The following YWHAZ variants were observed in gnomAD, a reference collection of about 807,000 sequenced individuals.
The protein encoded by YWHAZ is 14-3-3 protein zeta/delta.
For synonymous variants in YWHAZ, 87 were observed against 103.6 expected (o/e 0.84, Z 0.97); for missense variants, 79 against 284.8 (o/e 0.28, Z 5.20).
In YWHAZ at chr8:100,919,040, T is replaced by G. The variant is rs955310373; in HGVS notation, c.*1653A>C. 1 of 152,128 alleles carries G rather than the reference T, an allele frequency of 6.6e-6. No individual in the cohort carries two copies. Among genetic ancestry groups the G allele is most frequent in the Non-Finnish European group, 1.5e-5 (1 of 68,016 alleles). 9.4% of individuals were successfully genotyped at this position (152,128 alleles called of 1,614,324 possible). ...GGGAGATAAACACAGTCTCATCAAC[T>G]AAGGAGAGATTTGCTGCAGTAAATA... On this transcript the variant is annotated 3_prime_UTR_variant, in exon 6 of 6. Coordinates refer to ENST00000395958, the MANE Select transcript of YWHAZ (RefSeq NM_145690.3).
Position 100,922,526 on chromosome 8 carries a change from C to A in YWHAZ, c.678+1429G>T, listed in dbSNP as rs913185888. 10 of 152,246 alleles carry A rather than the reference C, an allele frequency of 6.6e-5. No individual in the cohort carries two copies. The highest frequency in any genetic ancestry group is 2.4e-4 in the African/African-American group (10 of 41,422). The allele number at this position is 152,246 out of a possible 1,614,324, so 9.4% of individuals were successfully genotyped here. On this transcript the variant is annotated intron_variant, in intron 5 of 5. Coordinates refer to ENST00000395958, the MANE Select transcript of YWHAZ (RefSeq NM_145690.3). This position sits in a 1 kb window ranked among gnomAD's most constrained non-coding sequence, Gnocchi z 4.1. Reference sequence around the variant, plus strand: ...TCAGCCTCCCGAGTAGCTGGGATTACAGGTGCCCACCACTATGCCCAGCTA... The same window carrying A: ...TCAGCCTCCCGAGTAGCTGGGATTAAAGGTGCCCACCACTATGCCCAGCTA...
intron 2 of YWHAZ, among the ~76,000 whole-genome samples, chr8:100,946,945 A>AT (rs1396881651): frequency 2.0e-5 from 3 of 151,760 alleles, no homozygotes; most frequent in Non-Finnish European, 4.4e-5. Context: ...AGAAAAAAAA[A>AT]ATCACATTTT....
chr8:100,926,126 T>TC (rs1164446390), intron 2 of YWHAZ, among the ~76,000 whole-genome samples: 1 of 151,982 alleles, frequency 6.6e-6, no homozygotes, highest in Non-Finnish European at 1.5e-5. Context: ...AAATGGTAAC[T>TC]CCAACTTTTT....
At position 100,946,865 on chromosome 8, in the gene YWHAZ, A is replaced by G. The variant is rs79613460; in HGVS notation, c.294+1731T>C. Among the ~76,000 whole-genome samples the G allele has an allele frequency of 4.9e-3, 732 of 150,818 alleles. 6 individuals are homozygous for G. Among genetic ancestry groups the G allele is most frequent in the African/African-American group, 0.017 (688 of 40,872 alleles). ...ACAAAACTGAATTACACATACACAG[A>G]TATTAGTTAGTAAGGTGAGCAAAAA... is the stretch of plus-strand genomic sequence containing the variant. On this transcript the variant is annotated intron_variant, in intron 2 of 5. Transcript: ENST00000395958.
chr8:100,937,139 G>A (rs760749242), intron 2 of YWHAZ, among the ~76,000 whole-genome samples: 7 of 152,086 alleles, frequency 4.6e-5, no homozygotes, highest in African/African-American at 1.4e-4. Context: ...GGACAATCTG[G>A]CAAAATATAT....
upstream of YWHAZ, chr8:100,952,849 C>T (rs1309417890): frequency 1.0e-6 from 1 of 1,000,406 alleles, no homozygotes; most frequent in Non-Finnish European, 1.2e-6. Flanking sequence ...CGCGGCTTTA[C>T]CTGCTGGCTC....
intron 2 of YWHAZ, among the ~76,000 whole-genome samples, chr8:100,926,251 G>T (rs957159580): frequency 6.6e-6 from 1 of 150,558 alleles, no homozygotes; most frequent in East Asian, 1.9e-4. Context: ...CAGATGAAGT[G>T]GCAGTAGGGC....
intron 2 of YWHAZ, among the ~76,000 whole-genome samples, chr8:100,926,540 GC>G (rs1813376375): frequency 6.6e-6 from 1 of 152,160 alleles, no homozygotes; most frequent in Admixed American, 6.5e-5. Context: ...AACTGCTTGA[GC>G]CCGAGAGATA....
intron 1 of YWHAZ, chr8:100,950,661 G>GT: frequency 1.1e-5 from 10 of 915,000 alleles, no homozygotes; most frequent in Non-Finnish European, 1.3e-5. Flanking sequence ...AAGCCGTGGG[G>GT]GGGGGGGAGA....
At chr8:100,951,060 C>A in intron 1 of YWHAZ, 6 of 405,004 alleles carry the variant, frequency 1.5e-5, no homozygotes, top group Non-Finnish European at 2.0e-5. Context: ...CCCGCCCGTT[C>A]ACAAGGAGCA....
At chr8:100,951,894 A>G in intron 1 of YWHAZ, 35 bp downstream of exon 1, 1 of 992,264 alleles carries the variant, frequency 1.0e-6, no homozygotes, top group Non-Finnish European at 1.2e-6. Context: ...GGCCTGGGAC[A>G]GGAAGCGAGG....
intron 2 of YWHAZ, among the ~76,000 whole-genome samples, chr8:100,937,240 T>C (rs901170753): frequency 2.0e-5 from 3 of 152,204 alleles, no homozygotes; most frequent in Admixed American, 1.3e-4. Flanking sequence ...TCCCTTTTAA[T>C]TGTCTTTATT....
intron 2 of YWHAZ, among the ~76,000 whole-genome samples, chr8:100,942,713 A>G (rs929385716): frequency 3.3e-5 from 5 of 152,224 alleles, no homozygotes; most frequent in African/African-American, 1.2e-4. Context: ...GGATAGTGAG[A>G]CGACCAAACT....
At chr8:100,949,121 A>T (rs549025222) in intron 1 of YWHAZ, among the ~76,000 whole-genome samples, 54 of 152,370 alleles carry the variant, frequency 3.5e-4, no homozygotes, top group Non-Finnish European at 5.9e-4. Flanking sequence ...CCATTAACAC[A>T]TCAGTGTAGC....
chr8:100,940,657 G>A (rs1393759906), intron 2 of YWHAZ, among the ~76,000 whole-genome samples: 5 of 152,158 alleles, frequency 3.3e-5, no homozygotes, highest in Non-Finnish European at 5.9e-5. Flanking sequence ...AGGTACAAAA[G>A]GTAAAGCAGT....
At chr8:100,940,889 C>T (rs1281178573) in intron 2 of YWHAZ, among the ~76,000 whole-genome samples, 1 of 152,178 alleles carries the variant, frequency 6.6e-6, no homozygotes, top group Non-Finnish European at 1.5e-5. Flanking sequence ...GTAGTATACA[C>T]TTTAGTATCC....
Position 100,924,309 on chromosome 8 carries a change from C to T in YWHAZ, c.419-11G>A. 6.2e-7 allele frequency: 1 copy of T among 1,608,396 alleles called. No individual in the cohort carries two copies. Among genetic ancestry groups the T allele is most frequent in the Non-Finnish European group, 8.5e-7 (1 of 1,178,480 alleles). Reference sequence around the variant, plus strand: ...ACTGATCGACAATCCCTGGATAAGACACACCAAAACGTACTGAGATAAAGT... The same window carrying T: ...ACTGATCGACAATCCCTGGATAAGATACACCAAAACGTACTGAGATAAAGT... On this transcript the variant is annotated splice_polypyrimidine_tract_variant and intron_variant, in intron 3 of 5. Coordinates refer to ENST00000395958, the MANE Select transcript of YWHAZ (RefSeq NM_145690.3). The surrounding 1 kb of genome is among the most constrained non-coding windows in gnomAD (Gnocchi z 5.7).
At chr8:100,926,975 C>G (rs1813407951) in intron 2 of YWHAZ, among the ~76,000 whole-genome samples, 1 of 152,160 alleles carries the variant, frequency 6.6e-6, no homozygotes, top group South Asian at 2.1e-4. Flanking sequence ...TGGGGTGAGT[C>G]TGGTTTTGAA....
intron 2 of YWHAZ, among the ~76,000 whole-genome samples, chr8:100,934,517 A>G (rs1293567601): frequency 2.0e-5 from 3 of 152,086 alleles, no homozygotes; most frequent in Non-Finnish European, 4.4e-5. Context: ...CCTGGCTAAC[A>G]TGGCGAAACT....
Sources: gnomAD v4.1 joint callset for allele counts (sites outside exome capture counted in the v4.1 genomes callset) on GRCh38, gnomAD v4.1.1 for gene constraint, Gnocchi (gnomAD v3.1) non-coding constraint, MANE v1.5 for transcripts, NCBI Gene and HGNC (gene_info 2026-07-23, HGNC 2026-07-21) for gene names.